Variants in MAP2 observed in about 807,000 individuals in gnomAD.
MAP2 encodes the protein microtubule associated protein 2.
MAP2 carries 14 observed loss-of-function variants against 137.6 expected under a neutral mutation model. That is an observed-to-expected ratio of 0.10 (90% CI 0.07 to 0.16). MAP2 has a LOEUF of 0.16. Among genes scored for constraint, MAP2 ranks in the 10% least tolerant of loss-of-function variants. The probability of loss-of-function intolerance (pLI) is 1.00; values close to 1 mark genes in which losing one functional copy is unlikely to be tolerated. For missense variants in MAP2, 2,088 were observed against 2,191.5 expected (o/e 0.95, Z 0.94); for synonymous variants, 786 against 782.3 (o/e 1.00, Z -0.08).
At chr2:209,701,494 T>G (rs1168581831) in intron 11 of MAP2, among the ~76,000 whole-genome samples, 1 of 151,948 alleles carries the variant, frequency 6.6e-6, no homozygotes. Flanking sequence ...ATAATTTGAA[T>G]GATATTAATT....
At chr2:209,623,626 G>T (rs2153527646) in intron 3 of MAP2, among the ~76,000 whole-genome samples, 1 of 152,192 alleles carries the variant, frequency 6.6e-6, no homozygotes, top group East Asian at 1.9e-4. Context: ...AACCAACTTA[G>T]AAGGTTTAAT....
chr2:209,719,908 T>C (rs1418584305), intron 13 of MAP2, among the ~76,000 whole-genome samples: 2 of 152,218 alleles, frequency 1.3e-5, no homozygotes, highest in African/African-American at 4.8e-5. Context: ...ATAAAATTCA[T>C]GAGACTAAAA....
At position 209,453,281 on chromosome 2, in the gene MAP2, C is replaced by T. The variant is rs552211639; in HGVS notation, c.-222+29005C>T. On this transcript the variant is annotated intron_variant, in intron 1 of 15. Transcript: ENST00000682079. The stretch of plus-strand genomic sequence containing the variant: ...ATGCATGATCAGCCATTATCTATCT[C>T]GTATTTTCTTTGTTTAAGAAATTAA... Among the ~76,000 whole-genome samples the T allele has an allele frequency of 3.9e-5, 6 of 152,098 alleles. No individual in the cohort carries two copies. The East Asian group carries it at 7.7e-4, about 20-fold the overall frequency.
chr2:209,615,679 C>T (rs1419647408), intron 3 of MAP2, among the ~76,000 whole-genome samples: 1 of 152,096 alleles, frequency 6.6e-6, no homozygotes, highest in Non-Finnish European at 1.5e-5. Flanking sequence ...ACAGGCAGGT[C>T]CCCGGTGAAA....
Position 209,700,305 on chromosome 2 carries a change from C to T in MAP2, c.4551C>T (p.Pro1517=). 3 of 1,613,578 alleles carry T rather than the reference C, an allele frequency of 1.9e-6. No individual in the cohort carries two copies. The highest frequency in any genetic ancestry group is 2.5e-6 in the Non-Finnish European group (3 of 1,179,662). Residue 1517 remains proline, a synonymous_variant, in exon 11 of 16, where the codon CCC becomes CCT. Transcript: ENST00000682079. ...CAGGTGGGGAATCAGCTCTGGCTCC[C>T]AGTGTATTTAAACAGGCAAAGGACA... ...TAAGGESALA[P]SVFKQAKDKV...
chr2:209,525,069 A>G (rs1021292782), intron 2 of MAP2, among the ~76,000 whole-genome samples: 2 of 152,124 alleles, frequency 1.3e-5, no homozygotes, highest in African/African-American at 4.8e-5. Context: ...TATTTTTAAT[A>G]TACGTTCTAG....
chr2:209,454,313 A>G (rs1701024743), intron 1 of MAP2, among the ~76,000 whole-genome samples: 1 of 152,056 alleles, frequency 6.6e-6, no homozygotes, highest in Admixed American at 6.6e-5. Flanking sequence ...ATGTTAGGAA[A>G]TCATCAATAT....
At chr2:209,616,511 A>C (rs2089449940) in intron 3 of MAP2, among the ~76,000 whole-genome samples, 1 of 152,214 alleles carries the variant, frequency 6.6e-6, no homozygotes, top group Admixed American at 6.5e-5. Context: ...TCAGGGAAGC[A>C]TTAAGCAGGG....
intron 1 of MAP2, among the ~76,000 whole-genome samples, chr2:209,460,889 C>T (rs1056162703): frequency 6.6e-6 from 1 of 151,762 alleles, no homozygotes; most frequent in African/African-American, 2.4e-5. Context: ...GCTGGGATTA[C>T]AGGCACGCAC....
intron 2 of MAP2, among the ~76,000 whole-genome samples, chr2:209,561,993 C>G (rs1036731786): frequency 1.6e-4 from 24 of 152,006 alleles, no homozygotes; most frequent in African/African-American, 5.6e-4. Context: ...AAGGAAATGT[C>G]ATTTTGTTTG....
At chr2:209,515,673 G>T (rs561863171) in intron 2 of MAP2, among the ~76,000 whole-genome samples, 1 of 152,164 alleles carries the variant, frequency 6.6e-6, no homozygotes, top group Non-Finnish European at 1.5e-5. Flanking sequence ...GTAAGATTTG[G>T]GTGGGGACAC....
intron 5 of MAP2, among the ~76,000 whole-genome samples, chr2:209,660,705 ATT>A (rs2043122852): frequency 3.6e-5 from 2 of 54,960 alleles, no homozygotes; most frequent in Non-Finnish European, 8.2e-5. Flanking sequence ...TGCTGCAATT[ATT>A]ATTATTATTA....
chr2:209,525,731 T>C (rs2063935896), intron 2 of MAP2, among the ~76,000 whole-genome samples: 1 of 152,138 alleles, frequency 6.6e-6, no homozygotes, highest in Non-Finnish European at 1.5e-5. Context: ...AAAACTCCAT[T>C]GTCCTTTCAA....
intron 1 of MAP2, among the ~76,000 whole-genome samples, chr2:209,501,142 A>C (rs964796444): frequency 6.6e-6 from 1 of 152,102 alleles, no homozygotes; most frequent in African/African-American, 2.4e-5. Flanking sequence ...CAGTATTCCC[A>C]ACATTTGTTT....
At chr2:209,571,194 A>T (rs1174071321) in intron 2 of MAP2, among the ~76,000 whole-genome samples, 2 of 151,938 alleles carry the variant, frequency 1.3e-5, no homozygotes, top group Non-Finnish European at 2.9e-5. Context: ...TTCACTATAG[A>T]TCCTAAAACT....
chr2:209,595,127 A>T (rs1453820201), intron 3 of MAP2, among the ~76,000 whole-genome samples: 1 of 152,200 alleles, frequency 6.6e-6, no homozygotes. Context: ...TCACAGAAAG[A>T]CAAAGTTGAA....
At chr2:209,686,141 T>C (rs751855112) in intron 7 of MAP2, among the ~76,000 whole-genome samples, 34 of 152,180 alleles carry the variant, frequency 2.2e-4, no homozygotes, top group Non-Finnish European at 4.3e-4. Context: ...GGCCAGATCT[T>C]GGACAATTAT....
chr2:209,587,921 A>G (rs150690295), intron 3 of MAP2, among the ~76,000 whole-genome samples: 93 of 152,338 alleles, frequency 6.1e-4, no homozygotes, highest in African/African-American at 2.2e-3. Flanking sequence ...AATTGCAATG[A>G]AGTATCAAAT....
At chr2:209,564,556 TAAAAAAA>T (rs757367849) in intron 2 of MAP2, among the ~76,000 whole-genome samples, 4 of 56,000 alleles carry the variant, frequency 7.1e-5, no homozygotes, top group Middle Eastern at 0.013. Context: ...CTCTGTGGAG[TAAAAAAA>T]AAAAAAAAAA....
Sources: allele counts gnomAD v4.1 joint callset (sites outside exome capture counted in the v4.1 genomes callset), GRCh38; gene constraint gnomAD v4.1.1; transcripts MANE v1.5; gene names NCBI Gene and HGNC (gene_info 2026-07-23, HGNC 2026-07-21).